The following TAF4B variants were observed in gnomAD, a reference collection of about 807,000 sequenced individuals.
TAF4B encodes transcription initiation factor TFIID subunit 4B.
TAF4B carries 38 observed loss-of-function variants against 86.4 expected under a neutral mutation model. That is an observed-to-expected ratio of 0.44 (90% CI 0.34 to 0.58). The LOEUF (loss-of-function observed/expected upper bound fraction) is 0.58, where lower values mean the gene tolerates loss of function less well. Ranked by LOEUF, TAF4B falls within the 20% of genes least tolerant of loss-of-function variation. The probability of loss-of-function intolerance (pLI) is 0.02; values close to 1 mark genes in which losing one functional copy is unlikely to be tolerated. For missense variants in TAF4B, 988 were observed against 1,027.6 expected, an observed-to-expected ratio of 0.96 and a Z score of 0.53; for synonymous variants, 388 against 391.2, an observed-to-expected ratio of 0.99 and a Z score of 0.10.
intron 13 of TAF4B, among the ~76,000 whole-genome samples, chr18:26,354,494 T>C (rs2057270577): frequency 6.6e-6 from 1 of 152,182 alleles, no homozygotes; most frequent in Non-Finnish European, 1.5e-5. Flanking sequence ...ATGGAACAAA[T>C]AGTAAATTAT....
At chr18:26,243,526 A>G (rs996832295) in intron 1 of TAF4B, among the ~76,000 whole-genome samples, 12 of 152,118 alleles carry the variant, frequency 7.9e-5, no homozygotes, top group Admixed American at 7.9e-4. Flanking sequence ...GGGTTCAAAC[A>G]TCCTCCTTTA....
At chr18:26,295,448 T>G (rs2056651034) in intron 9 of TAF4B, 1 of 176,732 alleles carries the variant, frequency 5.7e-6, no homozygotes, top group African/African-American at 2.4e-5. Flanking sequence ...GGCATTAGAT[T>G]CTTATAAGGA....
At chr18:26,361,548 C>G (rs1350680259) in intron 14 of TAF4B, among the ~76,000 whole-genome samples, 1 of 151,624 alleles carries the variant, frequency 6.6e-6, no homozygotes, top group African/African-American at 2.4e-5. Flanking sequence ...GAGTTCGAGA[C>G]CAGCCTAGCC....
chr18:26,273,469 C>T (rs1824762), intron 3 of TAF4B, among the ~76,000 whole-genome samples: 2,250 of 151,942 alleles, frequency 0.015, 47 homozygotes, highest in African/African-American at 0.052. Context: ...AAATGAAGGC[C>T]CATATACCCC....
At chr18:26,290,013 G>C (rs1159497265) in intron 7 of TAF4B, among the ~76,000 whole-genome samples, 1 of 152,156 alleles carries the variant, frequency 6.6e-6, no homozygotes, top group African/African-American at 2.4e-5. Flanking sequence ...ACTGGTGTCA[G>C]CCTAAATAAC....
At chr18:26,245,765 A>G (rs2055914296) in intron 1 of TAF4B, among the ~76,000 whole-genome samples, 2 of 152,280 alleles carry the variant, frequency 1.3e-5, no homozygotes, top group African/African-American at 4.8e-5. Context: ...CCAAGTCCGC[A>G]CTCGACCCAG....
intron 14 of TAF4B, among the ~76,000 whole-genome samples, chr18:26,364,691 T>TA (rs2057358128): frequency 6.6e-6 from 1 of 151,382 alleles, no homozygotes; most frequent in African/African-American, 2.4e-5. Flanking sequence ...ATAACATGTC[T>TA]AAAAAATTAT....
intron 1 of TAF4B, among the ~76,000 whole-genome samples, chr18:26,227,872 T>G (rs1359723917): frequency 6.6e-6 from 1 of 152,208 alleles, no homozygotes; most frequent in Non-Finnish European, 1.5e-5. Flanking sequence ...TTTAACCAAG[T>G]CAGAATCGGT....
chr18:26,263,227 T>C (rs2056194654), intron 1 of TAF4B, among the ~76,000 whole-genome samples: 1 of 152,214 alleles, frequency 6.6e-6, no homozygotes, highest in Admixed American at 6.5e-5. Flanking sequence ...GTGTTGGGAT[T>C]ACAGGCGTGA....
intron 1 of TAF4B, among the ~76,000 whole-genome samples, chr18:26,257,050 C>T (rs1208255695): frequency 1.3e-5 from 2 of 152,136 alleles, no homozygotes; most frequent in Non-Finnish European, 2.9e-5. Flanking sequence ...TTCGCATACA[C>T]TTAAGAATGC....
At position 26,226,973 on chromosome 18, in the gene TAF4B, C is replaced by A; in HGVS notation, c.40C>A (p.Pro14Thr). The A allele has an allele frequency of 7.2e-7, 1 of 1,388,442 alleles. No individual in the cohort carries two copies. 86.0% of individuals were successfully genotyped at this position (1,388,442 alleles called of 1,614,324 possible). A position where few individuals can be genotyped will look rare whatever the true frequency, so the allele number is the denominator to read the frequency against. Residue 14 changes from proline (P) to threonine (T), a missense_variant, in exon 1 of 15, where the codon CCG becomes ACG. By Grantham distance (38) the Pro-to-Thr change is conservative. Transcript: ENST00000269142. ...CACCGAACCCGCCGGCGCCGCTCCC[C>A]CGGCTGCTGTGAGCGCCTCGGGGAC... ...GLTEPAGAAP[P>T]AAVSASGTVT...
intron 1 of TAF4B, among the ~76,000 whole-genome samples, chr18:26,246,683 G>A (rs2055930486): frequency 6.6e-6 from 1 of 151,778 alleles, no homozygotes; most frequent in Non-Finnish European, 1.5e-5. Context: ...ACAGGTGTGT[G>A]CCACCACACC....
At chr18:26,380,268 ATTTCT>A (rs2057469350) in intron 14 of TAF4B, among the ~76,000 whole-genome samples, 1 of 152,042 alleles carries the variant, frequency 6.6e-6, no homozygotes, top group African/African-American at 2.4e-5. Context: ...AACCTTACAC[ATTTCT>A]TTTCTACATT....
At chr18:26,332,035 G>A (rs952437626) in intron 12 of TAF4B, among the ~76,000 whole-genome samples, 1 of 152,150 alleles carries the variant, frequency 6.6e-6, no homozygotes, top group African/African-American at 2.4e-5. Flanking sequence ...TTCCTTGAAT[G>A]TGCCCAACTT....
At chr18:26,345,518 C>G (rs2057169783) in intron 13 of TAF4B, among the ~76,000 whole-genome samples, 1 of 152,192 alleles carries the variant, frequency 6.6e-6, no homozygotes, top group African/African-American at 2.4e-5. Flanking sequence ...AGTGAGCCCA[C>G]ACCCAGCAAA....
chr18:26,241,324 T>C (rs1291154592), intron 1 of TAF4B, among the ~76,000 whole-genome samples: 1 of 152,222 alleles, frequency 6.6e-6, no homozygotes, highest in Non-Finnish European at 1.5e-5. Flanking sequence ...AGGGTGTATG[T>C]GTCCAGGAAT....
intron 1 of TAF4B, among the ~76,000 whole-genome samples, chr18:26,243,250 T>G (rs147339562): frequency 4.6e-5 from 7 of 152,354 alleles, no homozygotes; most frequent in East Asian, 1.9e-4. Flanking sequence ...TCTTTTTACA[T>G]AGTCCCATAT....
chr18:26,326,824 A>G (rs1040493127), intron 11 of TAF4B, among the ~76,000 whole-genome samples, 191 bp from the exon 12 acceptor site: 1 of 152,192 alleles, frequency 6.6e-6, no homozygotes, highest in Non-Finnish European at 1.5e-5. Flanking sequence ...TTTAAGAATG[A>G]TTAAAGTTTC....
intron 1 of TAF4B, among the ~76,000 whole-genome samples, chr18:26,253,947 A>G (rs780301709): frequency 9.7e-6 from 1 of 102,982 alleles, no homozygotes; most frequent in Non-Finnish European, 1.8e-5. Context: ...TTTTTTTGAG[A>G]TGGAGTTTCG....
Sources: gnomAD v4.1 joint callset for allele counts (sites outside exome capture counted in the v4.1 genomes callset) on GRCh38, gnomAD v4.1.1 for gene constraint, MANE v1.5 for transcripts, NCBI Gene and HGNC (gene_info 2026-07-23, HGNC 2026-07-21) for gene names.